Variants in CXXC5 observed in about 807,000 individuals in gnomAD.
The protein encoded by CXXC5 is CXXC finger protein 5.
Under a neutral mutation model 17.6 loss-of-function variants are expected in CXXC5, and 2 were observed. The ratio of observed to expected loss-of-function variants is 0.11; its 90% CI spans 0.05 to 0.36. The LOEUF is 0.36. Among genes scored for constraint, CXXC5 ranks in the 10% least tolerant of loss-of-function variants. CXXC5 has a pLI of 1.00. For synonymous variants in CXXC5, 171 were observed against 193.0 expected (o/e 0.89, Z 0.94); for missense variants, 343 against 458.3 (o/e 0.75, Z 2.30).
intron 1 of CXXC5, among the ~76,000 whole-genome samples, chr5:139,656,260 A>T (rs559634570): frequency 6.6e-6 from 1 of 152,296 alleles, no homozygotes; most frequent in East Asian, 1.9e-4. Flanking sequence ...GCATCTTTCC[A>T]GGCCTTTCTC....
intron 1 of CXXC5, among the ~76,000 whole-genome samples, chr5:139,673,475 C>G (rs536133365): frequency 2.5e-4 from 38 of 152,300 alleles, no homozygotes; most frequent in African/African-American, 9.1e-4. Context: ...TACTCCCTGC[C>G]CGGGGCCTCA....
chr5:139,666,596 C>T (rs1581594497), intron 1 of CXXC5, among the ~76,000 whole-genome samples: 2 of 152,312 alleles, frequency 1.3e-5, no homozygotes, highest in East Asian at 3.9e-4. Flanking sequence ...CACAAAGAGG[C>T]CAGGGAGATG....
chr5:139,677,089 C>T (rs1409037755), intron 1 of CXXC5, among the ~76,000 whole-genome samples: 2 of 151,912 alleles, frequency 1.3e-5, no homozygotes, highest in East Asian at 1.9e-4. Context: ...CCGCGGCTGG[C>T]GGGGCGGCGG....
Position 139,681,564 on chromosome 5 carries a change from T to C in CXXC5, c.924+117T>C, listed in dbSNP as rs111826221. 7,036 of 566,664 alleles carry C rather than the reference T, an allele frequency of 0.012. 102 individuals are homozygous for C. The African/African-American group carries it at 0.27, about 21-fold the overall frequency. 35.1% of individuals were successfully genotyped at this position (566,664 alleles called of 1,614,324 possible). A position where few individuals can be genotyped will look rare whatever the true frequency, so the allele number is the denominator to read the frequency against. On this transcript the variant is annotated intron_variant, in intron 2 of 2. Transcript: ENST00000302517. Reference sequence around the variant, plus strand: ...GGGCAAGTGTCTGGGGGATGCCCCCTCCCAGTCCTTGGGGCCTGGGGGTCT... The same window carrying C: ...GGGCAAGTGTCTGGGGGATGCCCCCCCCCAGTCCTTGGGGCCTGGGGGTCT...
chr5:139,652,169 C>CGTGTGT (rs1223071797), intron 1 of CXXC5, among the ~76,000 whole-genome samples: 23 of 140,066 alleles, frequency 1.6e-4, no homozygotes, highest in East Asian at 6.5e-4. Context: ...CGCGCGCGCG[C>CGTGTGT]GCGTGTGTGT....
intron 1 of CXXC5, among the ~76,000 whole-genome samples, chr5:139,667,638 C>T (rs1449274492): frequency 2.0e-5 from 3 of 152,160 alleles, no homozygotes; most frequent in Non-Finnish European, 4.4e-5. Context: ...TCCTGACCCT[C>T]CTGGCACTAT....
At chr5:139,651,767 A>G (rs1755191831) in intron 1 of CXXC5, among the ~76,000 whole-genome samples, 1 of 151,962 alleles carries the variant, frequency 6.6e-6, no homozygotes, top group African/African-American at 2.4e-5. Flanking sequence ...GGTGAGCCAG[A>G]CCCAAGCCTG....
rs1396699892 is a variant in CXXC5 at position 139,672,420 on chromosome 5, C to T, written c.-160-7944C>T. Among the ~76,000 whole-genome samples, 3 of 152,208 alleles carry T rather than the reference C, an allele frequency of 2.0e-5. 1 individual carries two copies. The South Asian group carries it at 6.2e-4, about 32-fold the overall frequency. ...GGCGTGAGCCTGTACAGGCCAGGGC[C>T]TGCTGTTTATTTTAATGTCCTCTGG... On this transcript the variant is annotated intron_variant, in intron 1 of 2. Transcript: ENST00000302517.
intron 1 of CXXC5, among the ~76,000 whole-genome samples, chr5:139,675,971 G>T (rs536529228): frequency 1.3e-5 from 2 of 151,718 alleles, no homozygotes; most frequent in South Asian, 4.2e-4. Context: ...GTAGAGGCAC[G>T]GGGTGGCCTC....
chr5:139,675,577 C>T (rs1756737379), intron 1 of CXXC5: 1 of 152,206 alleles, frequency 6.6e-6, no homozygotes, highest in Non-Finnish European at 1.5e-5. Context: ...TTAGGGGTAC[C>T]TAGGTCACCT....
At chr5:139,681,834 C>T (rs1039675779) in intron 2 of CXXC5, among the ~76,000 whole-genome samples, 2 of 152,212 alleles carry the variant, frequency 1.3e-5, no homozygotes, top group Admixed American at 1.3e-4. Flanking sequence ...CTCTGGGTCT[C>T]TCCCCTGCCC....
chr5:139,659,301 G>A (rs558493672), intron 1 of CXXC5, among the ~76,000 whole-genome samples: 8 of 152,280 alleles, frequency 5.3e-5, no homozygotes, highest in African/African-American at 9.6e-5. Context: ...GGTGTCCAGC[G>A]GAAAATCCCA....
intron 1 of CXXC5, among the ~76,000 whole-genome samples, chr5:139,673,880 A>G (rs957282811): frequency 2.0e-5 from 3 of 151,440 alleles, no homozygotes; most frequent in South Asian, 2.1e-4. Context: ...AGAGCTCTAC[A>G]TACTCCAGGT....
chr5:139,662,356 A>T (rs533865298), intron 1 of CXXC5, among the ~76,000 whole-genome samples: 6 of 152,094 alleles, frequency 3.9e-5, no homozygotes, highest in Admixed American at 6.5e-5. Flanking sequence ...AGCCTTTTTA[A>T]GCCTCTGCCC....
At chr5:139,676,013 C>CT (rs1756763348) in intron 1 of CXXC5, among the ~76,000 whole-genome samples, 1 of 131,080 alleles carries the variant, frequency 7.6e-6, no homozygotes, top group Non-Finnish European at 1.7e-5. Flanking sequence ...AGGTATGAGT[C>CT]TCCCTCCTTC....
intron 1 of CXXC5, among the ~76,000 whole-genome samples, chr5:139,671,660 G>A (rs10041290): frequency 1.6e-3 from 247 of 152,336 alleles, no homozygotes; most frequent in African/African-American, 5.8e-3. Flanking sequence ...AGCCTGCCCC[G>A]TCTGGCCCAC....
chr5:139,667,198 C>A (rs376164433), intron 1 of CXXC5, among the ~76,000 whole-genome samples: 4 of 152,202 alleles, frequency 2.6e-5, no homozygotes, highest in Non-Finnish European at 4.4e-5. Context: ...ACACCCACTC[C>A]CTGAGCATCC....
rs1325592511 is a variant in CXXC5, at chr5:139,653,980, T to A, written c.-161+5135T>A. Among the ~76,000 whole-genome samples, 4 of 152,198 alleles carry A rather than the reference T, an allele frequency of 2.6e-5. No individual in the cohort carries two copies. In the East Asian group the frequency reaches 7.7e-4, roughly 29 times the overall value. On this transcript the variant is annotated intron_variant, in intron 1 of 2. Coordinates refer to ENST00000302517, the MANE Select transcript of CXXC5 (RefSeq NM_016463.9). Reference sequence around the variant, plus strand: ...ACCCTGGGGACCAACAAGACAGGGCTCCACTGGCCCTTTTTGGGTCAGCCT... The same window carrying A: ...ACCCTGGGGACCAACAAGACAGGGCACCACTGGCCCTTTTTGGGTCAGCCT...
At position 139,661,866 on chromosome 5, in the gene CXXC5, G is replaced by C. The variant is rs144522553; in HGVS notation, c.-161+13021G>C. Among the ~76,000 whole-genome samples, 2 of 152,254 alleles carry C rather than the reference G, an allele frequency of 1.3e-5. No homozygotes were observed. The highest frequency in any genetic ancestry group is 2.9e-5 in the Non-Finnish European group (2 of 68,044). ...AGCCAACCTGGCTCTGCCCTCTCTG[G>C]GGAGGAGGTCCAAGTATCAGGCATG... On this transcript the variant is annotated intron_variant, in intron 1 of 2. Transcript: ENST00000302517. This position sits in a 1 kb window ranked among gnomAD's most constrained non-coding sequence, Gnocchi z 4.7.
Sources: allele counts gnomAD v4.1 joint callset (sites outside exome capture counted in the v4.1 genomes callset), GRCh38; gene constraint gnomAD v4.1.1; non-coding constraint Gnocchi (gnomAD v3.1); transcripts MANE v1.5; gene names NCBI Gene and HGNC (gene_info 2026-07-23, HGNC 2026-07-21).